ZYG11B: variants seen among roughly 807,000 people sequenced by gnomAD.
The protein encoded by ZYG11B is protein zyg-11 homolog B.
A neutral mutation model predicts 82.4 loss-of-function variants in ZYG11B; 36 were observed. The observed-to-expected ratio is 0.44, with a 90% CI of 0.33 to 0.58. The LOEUF is 0.58. Among genes scored for constraint, ZYG11B ranks in the 20% least tolerant of loss-of-function variants. The pLI, the probability that ZYG11B is intolerant of heterozygous loss-of-function variation, is 0.02. For synonymous variants in ZYG11B, 303 were observed against 312.8 expected, an observed-to-expected ratio of 0.97 and a Z score of 0.33; for missense variants, 552 against 895.6, an observed-to-expected ratio of 0.62 and a Z score of 4.90.
At chr1:52,796,943 A>AATATATAATTATATATT (rs1645015518) in intron 8 of ZYG11B, among the ~76,000 whole-genome samples, 159 bp downstream of exon 8, 2 of 99,140 alleles carry the variant, frequency 2.0e-5, no homozygotes, top group East Asian at 2.8e-4. Context: ...TATTATATAT[A>AATATATAATTATATATT]ATGTATAATT....
intron 4 of ZYG11B, among the ~76,000 whole-genome samples, chr1:52,780,609 C>T (rs1238031319): frequency 6.6e-6 from 1 of 152,128 alleles, no homozygotes; most frequent in Non-Finnish European, 1.5e-5. Context: ...TACATTACTC[C>T]GCAATTAAGT....
At position 52,746,062 on chromosome 1, in the gene ZYG11B, G is replaced by A. The variant is rs1302499511; in HGVS notation, c.31-10396G>A. On this transcript the variant is annotated intron_variant, in intron 1 of 13. Coordinates refer to ENST00000294353, the MANE Select transcript of ZYG11B (RefSeq NM_024646.3). Reference sequence around the variant, plus strand: ...TGCAACCTCCACCTCCTGGGTTCAAGCAATTCTCCTGCCTCAGCCTCCTGA... The same window carrying A: ...TGCAACCTCCACCTCCTGGGTTCAAACAATTCTCCTGCCTCAGCCTCCTGA... Among the ~76,000 whole-genome samples the A allele has an allele frequency of 3.3e-5, 5 of 151,830 alleles. No individual in the cohort carries two copies. The East Asian group carries it at 9.7e-4, about 29-fold the overall frequency.
At chr1:52,751,264 CCCCATCCCACCCTA>C (rs1644521245) in intron 1 of ZYG11B, among the ~76,000 whole-genome samples, 1 of 150,782 alleles carries the variant, frequency 6.6e-6, no homozygotes, top group Non-Finnish European at 1.5e-5. Flanking sequence ...ATCACGCCCA[CCCCATCCCACCCTA>C]CCCATTTATC....
rs144491759 is a variant in ZYG11B, at chr1:52,782,552, C to T, written c.1093-2325C>T. Among the ~76,000 whole-genome samples the T allele has an allele frequency of 7.9e-5, 12 of 151,990 alleles. No individual in the cohort carries two copies. The East Asian group carries it at 1.9e-3, about 25-fold the overall frequency. ...TATAGGTGTGTGCCATCACACCTGG[C>T]TAATTTTTCAAATTTTTAAAAATAA... On this transcript the variant is annotated intron_variant, in intron 4 of 13. Transcript: ENST00000294353.
intron 8 of ZYG11B, among the ~76,000 whole-genome samples, chr1:52,797,254 A>G (rs868414179): frequency 1.1e-3 from 96 of 83,946 alleles, no homozygotes; most frequent in African/African-American, 4.8e-3. Context: ...TATATATAAT[A>G]TATATTTATA....
chr1:52,779,857 C>G lies in ZYG11B; in HGVS notation c.956C>G (p.Ser319Cys), dbSNP rs189751502. 12 of 1,613,760 alleles carry G rather than the reference C, an allele frequency of 7.4e-6. No homozygotes were observed. The Admixed American group carries it at 1.0e-4, about 13-fold the overall frequency. ...FLTGEGHLKV[S>C]GEANETQIAE... The stretch of plus-strand genomic sequence containing the variant: ...CTAATCTGGTTATGTTCACAGGTGT[C>G]TGGGGAAGCCAATGAAACTCAGATT... Residue 319 changes from serine (S) to cysteine (C), a missense_variant, in exon 4 of 14, where the codon TCT (serine) becomes TGT (cysteine). By Grantham distance (112) the Ser-to-Cys change is moderately radical. This residue lies in a region of ZYG11B where 359 missense variants were observed against 555.8 expected (regional missense o/e 0.65). Transcript: ENST00000294353.
chr1:52,798,163 GA>G (rs1645044432), intron 8 of ZYG11B, among the ~76,000 whole-genome samples: 1 of 151,866 alleles, frequency 6.6e-6, no homozygotes, highest in African/African-American at 2.4e-5. Context: ...TATTTGTAAA[GA>G]AGTGAATTTA....
chr1:52,820,122 G>A (rs1389959533), intron 13 of ZYG11B, among the ~76,000 whole-genome samples: 1 of 150,898 alleles, frequency 6.6e-6, no homozygotes, highest in Admixed American at 6.6e-5. Flanking sequence ...CACCACGTTA[G>A]CCAGGATGGT....
At chr1:52,772,632 G>T (rs1369601495) in intron 3 of ZYG11B, 1 of 977,248 alleles carries the variant, frequency 1.0e-6, no homozygotes, top group East Asian at 2.4e-5. Flanking sequence ...CTTCTCAGGA[G>T]CACGCATACG....
chr1:52,749,358 G>A (rs1243390922), intron 1 of ZYG11B, among the ~76,000 whole-genome samples: 1 of 152,172 alleles, frequency 6.6e-6, no homozygotes, highest in Non-Finnish European at 1.5e-5. Context: ...TAGTGTATCT[G>A]GCAGGTAGCT....
chr1:52,785,685 G>T (rs1214754015), intron 5 of ZYG11B, among the ~76,000 whole-genome samples: 2 of 152,120 alleles, frequency 1.3e-5, no homozygotes, highest in Non-Finnish European at 2.9e-5. Context: ...TCCATCTCTT[G>T]TCTTTGTGAT....
chr1:52,762,348 T>C (rs954996231), intron 2 of ZYG11B, among the ~76,000 whole-genome samples: 10 of 151,664 alleles, frequency 6.6e-5, no homozygotes, highest in Non-Finnish European at 7.4e-5. Context: ...GCTGAGACTA[T>C]AGGCATGTAC....
At chr1:52,767,334 C>T (rs1332042408) in intron 2 of ZYG11B, among the ~76,000 whole-genome samples, 2 of 29,052 alleles carry the variant, frequency 6.9e-5, no homozygotes, top group African/African-American at 2.4e-4. Context: ...GGTGGAGTTT[C>T]GCTCTTGTTG....
chr1:52,790,715 C>CAAAAAAAAA (rs755866491), intron 6 of ZYG11B, among the ~76,000 whole-genome samples: 2 of 49,696 alleles, frequency 4.0e-5, no homozygotes, highest in African/African-American at 1.6e-4. Flanking sequence ...AAGACTGTCT[C>CAAAAAAAAA]AAAAAAAAAA....
At chr1:52,776,229 A>AAATATATAT in intron 3 of ZYG11B, among the ~76,000 whole-genome samples, 2,270 of 23,640 alleles carry the variant, frequency 0.096, 429 homozygotes, top group East Asian at 0.57. Flanking sequence ...TAAAAAAAAA[A>AAATATATAT]ATATATATAT....
intron 13 of ZYG11B, among the ~76,000 whole-genome samples, chr1:52,820,809 T>C (rs1426993842): frequency 6.7e-6 from 1 of 149,966 alleles, no homozygotes; most frequent in Non-Finnish European, 1.5e-5. Flanking sequence ...TTAAAAAGCA[T>C]AGTAAATGCA....
chr1:52,813,682 A>T lies in ZYG11B; in HGVS notation c.1842A>T (p.Glu614Asp). The T allele has an allele frequency of 1.9e-6, 3 of 1,614,110 alleles. No homozygotes were observed. The highest frequency in any genetic ancestry group is 2.5e-6 in the Non-Finnish European group (3 of 1,180,018). The change falls in exon 11 of 14, where the codon GAA (glutamate) becomes GAT (aspartate). Residue 614 changes from glutamate to aspartate, a missense_variant. By Grantham distance (45) the Glu-to-Asp change is conservative. Transcript: ENST00000294353. ...TTGCCCATTTAATATCCAGAGGTGA[A>T]CAAGCTTGGACATTGAGTCGTAGCC... ...GIIAHLISRG[E>D]QAWTLSRSQR...
chr1:52,768,500 C>T (rs954491800), intron 2 of ZYG11B, among the ~76,000 whole-genome samples: 1 of 152,054 alleles, frequency 6.6e-6, no homozygotes, highest in Non-Finnish European at 1.5e-5. Flanking sequence ...ATAGAAAGAA[C>T]TACTTGCCAT....
At position 52,756,815 on chromosome 1, in the gene ZYG11B, CTT is replaced by C. The variant is rs57189955; in HGVS notation, c.196+209_196+210del. Among the ~76,000 whole-genome samples the C allele has an allele frequency of 2.8e-3, 366 of 132,530 alleles. 2 individuals are homozygous for C. The highest frequency in any genetic ancestry group is 9.5e-3 in the African/African-American group (337 of 35,524). 86.9% of individuals were successfully genotyped at this position (132,530 alleles called of 152,430 possible). A position where few individuals can be genotyped will look rare whatever the true frequency, so the allele number is the denominator to read the frequency against. ...TGTGTAATTTATAATAAACATTTTTCTTTTTTTTTTTTTTTTTTCCTTGACAG... is the reference window on the plus strand; with the variant it reads ...TGTGTAATTTATAATAAACATTTTTCTTTTTTTTTTTTTTTTCCTTGACAG... On this transcript the variant is annotated intron_variant, in intron 2 of 13. Transcript: ENST00000294353.
Sources: gnomAD v4.1 joint callset for allele counts (sites outside exome capture counted in the v4.1 genomes callset) on GRCh38, gnomAD v4.1.1 for gene constraint, gnomAD v4.1.1 regional missense constraint, MANE v1.5 for transcripts, NCBI Gene and HGNC (gene_info 2026-07-23, HGNC 2026-07-21) for gene names.